NALCN: variants seen among roughly 807,000 people sequenced by gnomAD.
The protein encoded by NALCN is sodium leak channel NALCN.
A neutral mutation model predicts 225.3 loss-of-function variants in NALCN; 111 were observed. The observed-to-expected ratio is 0.49, with a 90% confidence interval of 0.42 to 0.58. NALCN has a LOEUF of 0.58. Ranked by LOEUF, NALCN falls within the 20% of genes least tolerant of loss-of-function variation. The pLI is 0.00. For synonymous variants in NALCN, 764 were observed against 769.0 expected, an observed-to-expected ratio of 0.99 and a Z score of 0.11; for missense variants, 1,378 against 2,202.4, an observed-to-expected ratio of 0.63 and a Z score of 7.49.
At chr13:101,233,433 C>T (rs1277642645) in intron 12 of NALCN, among the ~76,000 whole-genome samples, 4 of 151,728 alleles carry the variant, frequency 2.6e-5, no homozygotes, top group African/African-American at 4.8e-5. Flanking sequence ...CTCCACCTCC[C>T]GGGTTCACAC....
rs575888897 is a variant in NALCN, at chr13:101,134,398, T to C, written c.2118+8682A>G. 3.9e-5 allele frequency among the ~76,000 whole-genome samples: 6 copies of C among 152,360 alleles called. No individual in the cohort carries two copies. In the East Asian group the frequency reaches 1.2e-3, roughly 29 times the overall value. The stretch of plus-strand genomic sequence containing the variant: ...TGTGTGAAACATCTTTTTATCTTTC[T>C]GTAAATTCCAATAGATTGTAAACTC... On this transcript the variant is annotated intron_variant, in intron 17 of 43. Transcript: ENST00000251127.
intron 3 of NALCN, among the ~76,000 whole-genome samples, chr13:101,393,982 T>C (rs2152323): frequency 0.7 from 106,063 of 152,060 alleles, 38,586 homozygotes; most frequent in African/African-American, 0.91. Context: ...TTTTATCATA[T>C]GTAAAATATT....
chr13:101,170,457 C>A (rs2038660582), intron 15 of NALCN, among the ~76,000 whole-genome samples: 1 of 152,188 alleles, frequency 6.6e-6, no homozygotes, highest in Non-Finnish European at 1.5e-5. Context: ...CCAGAACCAC[C>A]CGACAGATGC....
In NALCN at chr13:101,111,225, C is replaced by T. The variant is rs2035417898; in HGVS notation, c.2194G>A (p.Ala732Thr). 1 of 1,578,816 alleles carries T rather than the reference C, an allele frequency of 6.3e-7. No homozygotes were observed. The highest frequency in any genetic ancestry group is 8.6e-7 in the Non-Finnish European group (1 of 1,157,700). ...CTCAGCATGCGCTGTCGGGTGCAAG[C>T]TCTAGGAAAAAAAAAGGAGCCCAAG... Reference protein sequence around the residue: ...KETAVTKILRACTRQRMLSGS... With the variant: ...KETAVTKILRTCTRQRMLSGS... Residue 732 changes from alanine (A) to threonine (T), a missense_variant and splice_region_variant, in exon 19 of 44, where the codon GCT (alanine) becomes ACT (threonine). Around this residue, in one of 19 missense-constraint regions of NALCN, gnomAD observed 100 missense variants for 89.4 expected, o/e 1.12. Transcript: ENST00000251127.
At chr13:101,281,661 A>G (rs1338625344) in intron 10 of NALCN, among the ~76,000 whole-genome samples, 1 of 152,190 alleles carries the variant, frequency 6.6e-6, no homozygotes, top group African/African-American at 2.4e-5. Context: ...ACAGAAATAA[A>G]TAACTAACAA....
rs1855312497 is a variant in NALCN, at chr13:101,107,758, T to C, written c.2396A>G (p.Gln799Arg). 1 of 1,613,838 alleles carries C rather than the reference T, an allele frequency of 6.2e-7. No homozygotes were observed. The highest frequency in any genetic ancestry group is 8.5e-7 in the Non-Finnish European group (1 of 1,179,902). ...CATCTTTATTTCACTGTCTTCTCTT[T>C]GTGCATTTCTATATCTCACTGTATT... ...HSNTVRYRNA[Q>R]REDSEIKMIQ... is the part of the protein sequence containing the mutation. Residue 799 changes from glutamine to arginine, a missense_variant, in exon 21 of 44, where the codon CAA becomes CGA. Gln to Arg is a conservative substitution (Grantham distance 43). This residue lies in a region of NALCN where 66 missense variants were observed against 85.7 expected (regional missense o/e 0.77). Transcript: ENST00000251127.
chr13:101,201,346 C>T (rs753787536), intron 13 of NALCN, among the ~76,000 whole-genome samples: 3 of 152,136 alleles, frequency 2.0e-5, no homozygotes, highest in Non-Finnish European at 4.4e-5. Flanking sequence ...TTCTCCATTC[C>T]TCCCTCCCTC....
At chr13:101,170,291 G>T (rs1442243870) in intron 15 of NALCN, among the ~76,000 whole-genome samples, 2 of 152,156 alleles carry the variant, frequency 1.3e-5, no homozygotes, top group Non-Finnish European at 2.9e-5. Context: ...GGCAGGAGAA[G>T]GTTGTTTACA....
At chr13:101,356,252 C>T (rs1261514493) in intron 6 of NALCN, among the ~76,000 whole-genome samples, 1 of 152,036 alleles carries the variant, frequency 6.6e-6, no homozygotes, top group Non-Finnish European at 1.5e-5. Context: ...TTAATGAATT[C>T]AGGAGCTAAT....
intron 11 of NALCN, among the ~76,000 whole-genome samples, chr13:101,238,155 G>C (rs1415262385): frequency 2.0e-5 from 3 of 151,876 alleles, no homozygotes; most frequent in Non-Finnish European, 4.4e-5. Flanking sequence ...TTGAATGTTT[G>C]TGAGTGGCAT....
intron 10 of NALCN, among the ~76,000 whole-genome samples, chr13:101,282,904 A>G (rs765493124): frequency 1.3e-5 from 2 of 152,170 alleles, no homozygotes; most frequent in Non-Finnish European, 2.9e-5. Context: ...TTTATTTTTC[A>G]TGTACCCATC....
chr13:101,092,784 T>C (rs1379302712), intron 28 of NALCN, among the ~76,000 whole-genome samples: 4 of 152,082 alleles, frequency 2.6e-5, no homozygotes, highest in Non-Finnish European at 4.4e-5. Flanking sequence ...TTAGACCCTA[T>C]AAAACCTGAT....
chr13:101,200,219 C>A (rs2140036556), intron 13 of NALCN, among the ~76,000 whole-genome samples: 1 of 152,198 alleles, frequency 6.6e-6, no homozygotes, highest in South Asian at 2.1e-4. Flanking sequence ...ACTTTCAAAC[C>A]TGTTCTTTCT....
chr13:101,366,648 C>T (rs9557629), intron 6 of NALCN, among the ~76,000 whole-genome samples: 68,492 of 151,836 alleles, frequency 0.45, 16,260 homozygotes, highest in African/African-American at 0.59. Context: ...AATAGTATTT[C>T]AATTGACAAA....
At chr13:101,236,812 C>T (rs2041574053) in intron 12 of NALCN, among the ~76,000 whole-genome samples, 2 of 150,288 alleles carry the variant, frequency 1.3e-5, no homozygotes, top group East Asian at 4.0e-4. Flanking sequence ...ATACCTAATG[C>T]TAGATGACGA....
At chr13:101,091,953 C>A (rs751574360) in intron 28 of NALCN, among the ~76,000 whole-genome samples, 1 of 152,086 alleles carries the variant, frequency 6.6e-6, no homozygotes, top group Non-Finnish European at 1.5e-5. Context: ...AAAAATAAGT[C>A]TTTTTCAGTT....
chr13:101,143,535 G>A (rs1249364983), intron 16 of NALCN, among the ~76,000 whole-genome samples: 2 of 151,706 alleles, frequency 1.3e-5, no homozygotes, highest in Non-Finnish European at 2.9e-5. Context: ...TGCAATCTCA[G>A]CTCACCACAA....
intron 11 of NALCN, 130 bp downstream of exon 11, chr13:101,258,313 A>C: frequency 1.3e-5 from 17 of 1,321,996 alleles, no homozygotes; most frequent in Non-Finnish European, 1.6e-5. Flanking sequence ...CTTAAGAAGC[A>C]GACAATGATT....
Position 101,065,557 on chromosome 13 carries a change from A to C in NALCN, c.4451T>G (p.Val1484Gly). ...GAACTTGACGCGGAACGTGGGGATC[A>C]CCCCCTGCGGGGCAGAGCACAAGAA... is the stretch of plus-strand genomic sequence containing the variant. ...WNMVDDKREG[V>G]IPTFRVKFLL... The change falls in exon 40 of 44, where the codon GTG (valine) becomes GGG (glycine). Residue 1484 changes from valine to glycine, a missense_variant. Val to Gly is a moderately radical substitution (Grantham distance 109, BLOSUM62 -3). This residue lies in a region of NALCN where 94 missense variants were observed against 170.3 expected (regional missense o/e 0.55). Transcript: ENST00000251127. 6.2e-7 allele frequency: 1 copy of C among 1,612,080 alleles called. No homozygotes were observed.
Sources: gnomAD v4.1 joint callset for allele counts (sites outside exome capture counted in the v4.1 genomes callset) on GRCh38, gnomAD v4.1.1 for gene constraint, gnomAD v4.1.1 regional missense constraint, MANE v1.5 for transcripts, NCBI Gene and HGNC (gene_info 2026-07-23, HGNC 2026-07-21) for gene names.